Variants in NCOA4 observed in about 807,000 individuals in gnomAD.
NCOA4 encodes 70 kDa AR-activator.
Under a neutral mutation model 69.5 loss-of-function variants are expected in NCOA4, and 31 were observed. That is an observed-to-expected ratio of 0.45 (90% CI 0.34 to 0.60). NCOA4 has a LOEUF of 0.60. Ranked by LOEUF, NCOA4 falls within the 20% of genes least tolerant of loss-of-function variation. The probability of loss-of-function intolerance (pLI) is 0.02; values close to 1 mark genes in which losing one functional copy is unlikely to be tolerated. For missense variants in NCOA4, 600 were observed against 719.2 expected, an observed-to-expected ratio of 0.83 and a Z score of 1.90; for synonymous variants, 228 against 252.4, an observed-to-expected ratio of 0.90 and a Z score of 0.92.
intron 1 of NCOA4, chr10:46,022,537 T>C (rs79932828): frequency 0.017 from 7,451 of 436,068 alleles, 507 homozygotes; most frequent in African/African-American, 0.14. Context: ...GCGATCTCAC[T>C]GCAAGCTCCA....
At chr10:46,025,637 C>G (rs1298533452) in intron 1 of NCOA4, among the ~76,000 whole-genome samples, 2 of 152,220 alleles carry the variant, frequency 1.3e-5, no homozygotes, top group African/African-American at 4.8e-5. Flanking sequence ...GCCAGTCTCT[C>G]CTCTTCTCCC....
rs61255702 is a variant in NCOA4 at position 46,028,539 on chromosome 10, T to TAA, written c.-15+1985_-15+1986dup. Among the ~76,000 whole-genome samples the TAA allele has an allele frequency of 2.3e-3, 307 of 130,768 alleles. 3 individuals carry two copies. The highest frequency in any genetic ancestry group is 0.02 in the East Asian group (94 of 4,592). The allele number at this position is 130,768 out of a possible 152,430, so 85.8% of individuals were successfully genotyped here. On this transcript the variant is annotated intron_variant, in intron 1 of 9. Coordinates refer to ENST00000581486, the MANE Select transcript of NCOA4 (RefSeq NM_001145263.2). ...AGTGGCTATTATCATCACCATTAAT[T>TAA]AAAAAAAAAAAAAAAGCAGACTTGA...
chr10:46,013,458 C>T (rs1012775284), intron 6 of NCOA4, 92 bp downstream of exon 6: 3 of 922,230 alleles, frequency 3.3e-6, no homozygotes, highest in Non-Finnish European at 5.0e-6. Flanking sequence ...TGCCTTTTTA[C>T]AAATAGTAGC....
At chr10:46,016,304 A>T (rs79162657) in intron 2 of NCOA4, among the ~76,000 whole-genome samples, 62,436 of 152,166 alleles carry the variant, frequency 0.41, 13,293 homozygotes, top group South Asian at 0.67. Flanking sequence ...AATCTAAGTA[A>T]GCTGAATAGA....
intron 1 of NCOA4, among the ~76,000 whole-genome samples, chr10:46,025,847 A>T (rs1840133756): frequency 6.6e-6 from 1 of 152,226 alleles, no homozygotes; most frequent in South Asian, 2.1e-4. Context: ...TGAGGGCTCC[A>T]TGAGAGAAGA....
rs193228545 is a variant in NCOA4, at chr10:46,027,454, C to T, written c.-15+3072G>A. The T allele has an allele frequency of 3.4e-5, 53 of 1,551,546 alleles. No individual in the cohort carries two copies. The African/African-American group carries it at 6.3e-4, about 18-fold the overall frequency. On this transcript the variant is annotated intron_variant, in intron 1 of 9. Transcript: ENST00000581486. Reference sequence around the variant, plus strand: ...TACCAGCTAGAGCAAAAGTGGTCAACTGGGCCCCCATTCCAGCCTAGACCT... The same window carrying T: ...TACCAGCTAGAGCAAAAGTGGTCAATTGGGCCCCCATTCCAGCCTAGACCT...
At chr10:46,006,628 AC>A in intron 9 of NCOA4, 31 bp from the exon 10 acceptor site, 1 of 1,613,516 alleles carries the variant, frequency 6.2e-7, no homozygotes, top group East Asian at 2.2e-5. Context: ...ATGATAAGTT[AC>A]TTCAATGAAG....
At chr10:46,026,980 A>T (rs1252138278) in intron 1 of NCOA4, among the ~76,000 whole-genome samples, 1 of 152,132 alleles carries the variant, frequency 6.6e-6, no homozygotes, top group Non-Finnish European at 1.5e-5. Flanking sequence ...AATGACTAAG[A>T]GTGGTCCGGG....
chr10:46,014,532 T>A lies in NCOA4; in HGVS notation c.392A>T (p.Lys131Met), dbSNP rs1554922578. 6.2e-7 allele frequency: 1 copy of A among 1,613,306 alleles called. No homozygotes were observed. Among genetic ancestry groups the A allele is most frequent in the African/African-American group, 1.3e-5 (1 of 74,850 alleles). The change falls in exon 5 of 10, where the codon AAG becomes ATG. Residue 131 changes from lysine (K) to methionine (M), a missense_variant. Lys to Met is a moderately conservative substitution (Grantham distance 95, BLOSUM62 -1). Coordinates refer to ENST00000581486, the MANE Select transcript of NCOA4 (RefSeq NM_001145263.2). Reference sequence around the variant, plus strand: ...GAGCAGGACAGTTGAATCTTCAGGCTTAAGGGTCAAACTGCCCAGTCTGGG... The same window carrying A: ...GAGCAGGACAGTTGAATCTTCAGGCATAAGGGTCAAACTGCCCAGTCTGGG... ...CLERLGSLTL[K>M]PEDSTVLLFE...
chr10:46,021,743 T>C (rs1159738453), intron 1 of NCOA4, among the ~76,000 whole-genome samples: 1 of 152,146 alleles, frequency 6.6e-6, no homozygotes, highest in African/African-American at 2.4e-5. Flanking sequence ...GCGGATCACC[T>C]GAGGTCAGGA....
intron 1 of NCOA4, among the ~76,000 whole-genome samples, chr10:46,020,380 G>A (rs1215297486): frequency 1.3e-5 from 2 of 152,154 alleles, no homozygotes; most frequent in African/African-American, 4.8e-5. Flanking sequence ...GCTGCAGTAA[G>A]GTTAAAGTGA....
At chr10:46,028,447 T>TA (rs1840274272) in intron 1 of NCOA4, among the ~76,000 whole-genome samples, 2 of 151,992 alleles carry the variant, frequency 1.3e-5, no homozygotes, top group African/African-American at 4.8e-5. Flanking sequence ...AGTAAGTATT[T>TA]ACATCTAGTC....
At position 46,030,524 on chromosome 10, in the gene NCOA4, A is replaced by C. The variant is rs1840407145; in HGVS notation, c.-15+2T>G. On this transcript the variant is annotated splice_donor_variant, in intron 1 of 9. Coordinates refer to ENST00000581486, the MANE Select transcript of NCOA4 (RefSeq NM_001145263.2). LOFTEE classifies it low-confidence loss of function (5UTR_SPLICE). ...CCTCCACCCGGCCCACAGCGTTCTT[A>C]CCAGGTCCGAGTGCCTCTCCAGGCG... 6.6e-6 allele frequency: 1 copy of C among 152,374 alleles called. No homozygotes were observed. The highest frequency in any genetic ancestry group is 1.5e-5 in the Non-Finnish European group (1 of 68,176). The allele number at this position is 152,374 out of a possible 1,614,324, so 9.4% of individuals were successfully genotyped here.
intron 2 of NCOA4, among the ~76,000 whole-genome samples, chr10:46,016,010 T>C (rs1839520165): frequency 6.6e-6 from 1 of 152,214 alleles, no homozygotes; most frequent in Non-Finnish European, 1.5e-5. Flanking sequence ...TTCTGTTTAA[T>C]AAAGTTGTGT....
chr10:46,014,427 C>G lies in NCOA4; in HGVS notation c.480+17G>C. The stretch of plus-strand genomic sequence containing the variant: ...CAGATATGAGAAGTGCCCAGTGAAG[C>G]ATATGAGATTACTCACAATGGTTTT... On this transcript the variant is annotated intron_variant, in intron 5 of 9. Transcript: ENST00000581486. 1 of 1,549,138 alleles carries G rather than the reference C, an allele frequency of 6.5e-7. No homozygotes were observed. The highest frequency in any genetic ancestry group is 8.9e-7 in the Non-Finnish European group (1 of 1,123,068).
rs1839130344 is a variant in NCOA4 at position 46,010,342 on chromosome 10, T to C, written c.1579A>G (p.Met527Val). ...TTAAAGGAACACCAGGAAGTATTCATGGGGCTTTTAAACTTCTGTTTGCCA... is the reference window on the plus strand; with the variant it reads ...TTAAAGGAACACCAGGAAGTATTCACGGGGCTTTTAAACTTCTGTTTGCCA... ...RAGKQKFKSP[M>V]NTSWCSFNTA... The change falls in exon 8 of 10, where the codon ATG (methionine) becomes GTG (valine). Residue 527 changes from methionine to valine, a missense_variant. Met to Val is a conservative substitution (Grantham distance 21). Coordinates refer to ENST00000581486, the MANE Select transcript of NCOA4 (RefSeq NM_001145263.2). The C allele has an allele frequency of 8.1e-6, 13 of 1,614,194 alleles. No homozygotes were observed. The highest frequency in any genetic ancestry group is 1.0e-5 in the Non-Finnish European group (12 of 1,180,030).
rs531696505 is a variant in NCOA4, at chr10:46,022,006, T to C, written c.-14-5312A>G. Among the ~76,000 whole-genome samples, 3 of 152,250 alleles carry C rather than the reference T, an allele frequency of 2.0e-5. No individual in the cohort carries two copies. The South Asian group carries it at 6.2e-4, about 32-fold the overall frequency. The stretch of plus-strand genomic sequence containing the variant: ...TAAACAGTACCCTTGTATGTCATGA[T>C]AGGCTCAGAAAAACCAAAACACTGC... On this transcript the variant is annotated intron_variant, in intron 1 of 9. Coordinates refer to ENST00000581486, the MANE Select transcript of NCOA4 (RefSeq NM_001145263.2).
chr10:46,007,839 T>C (rs1206853944), intron 9 of NCOA4, among the ~76,000 whole-genome samples: 1 of 152,080 alleles, frequency 6.6e-6, no homozygotes, highest in African/African-American at 2.4e-5. Context: ...TCTTCCTACC[T>C]CTGCCTCCCA....
At chr10:46,008,542 G>A (rs1472820677) in intron 9 of NCOA4, among the ~76,000 whole-genome samples, 20 of 152,200 alleles carry the variant, frequency 1.3e-4, no homozygotes, top group African/African-American at 4.8e-4. Flanking sequence ...AAACTTAAAC[G>A]GATGAGCAGT....
Sources: gnomAD v4.1 joint callset for allele counts (sites outside exome capture counted in the v4.1 genomes callset) on GRCh38, gnomAD v4.1.1 for gene constraint, MANE v1.5 for transcripts, NCBI Gene and HGNC (gene_info 2026-07-23, HGNC 2026-07-21) for gene names.